Variants in KCNAB1 observed in about 807,000 individuals in gnomAD.
KCNAB1 encodes the protein voltage-gated potassium channel subunit beta-1.
Under a neutral mutation model 64.6 loss-of-function variants are expected in KCNAB1, and 35 were observed. The ratio of observed to expected loss-of-function variants is 0.54; its 90% CI spans 0.41 to 0.72. The LOEUF is 0.72. KCNAB1 is among the 30% of genes least tolerant of loss of function. The pLI is 0.00. For synonymous variants in KCNAB1, 177 were observed against 183.8 expected, an observed-to-expected ratio of 0.96 and a Z score of 0.30; for missense variants, 401 against 512.9, an observed-to-expected ratio of 0.78 and a Z score of 2.11.
chr3:156,428,270 A>G (rs944308717), intron 2 of KCNAB1, among the ~76,000 whole-genome samples: 5 of 152,308 alleles, frequency 3.3e-5, no homozygotes, highest in African/African-American at 1.2e-4. Flanking sequence ...TCCTGTGAAT[A>G]AGAGGGAATT....
At position 156,456,609 on chromosome 3, in the gene KCNAB1, G is replaced by A. The variant is rs190861142; in HGVS notation, c.358-844G>A. On this transcript the variant is annotated intron_variant, in intron 3 of 13. Transcript: ENST00000490337. ...GAAAAATAGTTTATTTTGGAAATGC[G>A]GATGAAGCAACTTTAGCCTGCCATC... Among the ~76,000 whole-genome samples the A allele has an allele frequency of 3.5e-3, 530 of 152,240 alleles. 1 individual carries two copies. The highest frequency in any genetic ancestry group is 5.6e-3 in the Non-Finnish European group (384 of 68,014).
chr3:156,200,439 G>A (rs1714251876), intron 1 of KCNAB1, among the ~76,000 whole-genome samples: 1 of 152,148 alleles, frequency 6.6e-6, no homozygotes. Context: ...CTTCCTTTAG[G>A]TGCTCTGTCC....
At chr3:156,499,090 G>C (rs1486104950) in intron 8 of KCNAB1, among the ~76,000 whole-genome samples, 1 of 152,232 alleles carries the variant, frequency 6.6e-6, no homozygotes, top group African/African-American at 2.4e-5. Flanking sequence ...TATTATGAGA[G>C]TGTTTTTGAG....
chr3:156,158,175 ATAAAAAATAAAT>A lies in KCNAB1; in HGVS notation c.275+37290_275+37301del, dbSNP rs1484538076. Among the ~76,000 whole-genome samples, 671 of 113,268 alleles carry A rather than the reference ATAAAAAATAAAT, an allele frequency of 5.9e-3. 36 individuals carry two copies. Among genetic ancestry groups the A allele is most frequent in the East Asian group, 0.018 (78 of 4,306 alleles). 74.3% of individuals were successfully genotyped at this position (113,268 alleles called of 152,430 possible). On this transcript the variant is annotated intron_variant, in intron 1 of 13. Coordinates refer to ENST00000490337, the MANE Select transcript of KCNAB1 (RefSeq NM_172160.3). ...GCGAAACTCTGTCTCAAAAAAAAAA[ATAAAAAATAAAT>A]AAATAAATAAATAAATAAATAAATA... is the stretch of plus-strand genomic sequence containing the variant.
intron 1 of KCNAB1, among the ~76,000 whole-genome samples, chr3:156,154,581 C>T (rs1715608662): frequency 1.3e-5 from 2 of 152,108 alleles, no homozygotes; most frequent in South Asian, 4.1e-4. Flanking sequence ...GGTTAGACTT[C>T]TTGTTCTTGG....
chr3:156,306,287 C>T (rs1721487202), intron 1 of KCNAB1, among the ~76,000 whole-genome samples: 1 of 152,104 alleles, frequency 6.6e-6, no homozygotes, highest in African/African-American at 2.4e-5. Context: ...GGTGCAGTAG[C>T]CAGGAGACTG....
chr3:156,257,955 A>G (rs1199264902), intron 1 of KCNAB1, among the ~76,000 whole-genome samples: 1 of 152,240 alleles, frequency 6.6e-6, no homozygotes, highest in Non-Finnish European at 1.5e-5. Context: ...GAGGGAGACC[A>G]CCAGAAGCAG....
chr3:156,513,669 A>G (rs1029408499), intron 8 of KCNAB1, among the ~76,000 whole-genome samples: 2 of 152,210 alleles, frequency 1.3e-5, no homozygotes, highest in East Asian at 3.8e-4. Flanking sequence ...AGGAAATGTG[A>G]TGTCGAGCTC....
chr3:156,327,479 G>A (rs1723039181), intron 1 of KCNAB1, among the ~76,000 whole-genome samples: 1 of 152,098 alleles, frequency 6.6e-6, no homozygotes. Context: ...TAGCAAGTTA[G>A]ATATACCATT....
chr3:156,384,957 C>G (rs1310946097), intron 1 of KCNAB1, among the ~76,000 whole-genome samples: 1 of 152,170 alleles, frequency 6.6e-6, no homozygotes, highest in African/African-American at 2.4e-5. Context: ...TTTCCAACAG[C>G]TGGCCCCATG....
intron 1 of KCNAB1, among the ~76,000 whole-genome samples, chr3:156,196,124 T>C (rs1365066424): frequency 6.6e-6 from 1 of 152,106 alleles, no homozygotes; most frequent in Non-Finnish European, 1.5e-5. Flanking sequence ...TCTGAGGACT[T>C]TGTTCTGTTC....
chr3:156,119,336 T>A (rs1314102295), upstream of KCNAB1, among the ~76,000 whole-genome samples: 2 of 152,158 alleles, frequency 1.3e-5, no homozygotes, highest in African/African-American at 2.4e-5. Context: ...AGTAAAGGGA[T>A]GAGAATAGCA....
intron 1 of KCNAB1, among the ~76,000 whole-genome samples, chr3:156,316,147 A>G (rs1722257806): frequency 6.6e-6 from 1 of 152,202 alleles, no homozygotes; most frequent in African/African-American, 2.4e-5. Flanking sequence ...TTCTTACAAG[A>G]ATCCTGAGGA....
chr3:156,436,543 A>G (rs151022076), intron 2 of KCNAB1, among the ~76,000 whole-genome samples: 94 of 152,226 alleles, frequency 6.2e-4, no homozygotes, highest in African/African-American at 2.1e-3. Context: ...ACAGTGTAAA[A>G]GTGTTCTGAT....
intron 1 of KCNAB1, among the ~76,000 whole-genome samples, chr3:156,278,559 A>G (rs911281329): frequency 6.6e-6 from 1 of 152,152 alleles, no homozygotes; most frequent in Non-Finnish European, 1.5e-5. Context: ...TCCTTCATTT[A>G]ATTTGTAGTA....
intron 1 of KCNAB1, among the ~76,000 whole-genome samples, chr3:156,174,073 C>T (rs1712190048): frequency 6.6e-6 from 1 of 152,162 alleles, no homozygotes. Context: ...GATTATGGGA[C>T]TTTTAAGCCT....
At chr3:156,215,430 A>C (rs1715258515) in intron 1 of KCNAB1, 1 of 152,244 alleles carries the variant, frequency 6.6e-6, no homozygotes, top group African/African-American at 2.4e-5. Flanking sequence ...AAACCTATAC[A>C]TCCAGTTAAT....
intron 8 of KCNAB1, among the ~76,000 whole-genome samples, chr3:156,487,725 G>A (rs1271868509): frequency 6.6e-6 from 1 of 151,972 alleles, no homozygotes; most frequent in Non-Finnish European, 1.5e-5. Flanking sequence ...TCTGTATTAA[G>A]GGCAAAAAGG....
At chr3:156,153,619 G>A (rs920644068) in intron 1 of KCNAB1, among the ~76,000 whole-genome samples, 3 of 152,218 alleles carry the variant, frequency 2.0e-5, no homozygotes, top group Non-Finnish European at 4.4e-5. Context: ...GCGTCATCCA[G>A]TCATTTGAAG....
Sources: allele counts gnomAD v4.1 joint callset (sites outside exome capture counted in the v4.1 genomes callset), GRCh38; gene constraint gnomAD v4.1.1; transcripts MANE v1.5; gene names NCBI Gene and HGNC (gene_info 2026-07-23, HGNC 2026-07-21).